ALMS1: variants seen among roughly 807,000 people sequenced by gnomAD.
ALMS1 encodes centrosome-associated protein ALMS1.
Under a neutral mutation model 352.2 loss-of-function variants are expected in ALMS1, and 271 were observed. The observed-to-expected ratio is 0.77, with a 90% CI of 0.70 to 0.85. The LOEUF is 0.85. ALMS1 is among the 40% of genes least tolerant of loss of function. The probability of loss-of-function intolerance (pLI) is 0.00; values close to 1 mark genes in which losing one functional copy is unlikely to be tolerated. For synonymous variants in ALMS1, 1,865 were observed against 1,761.2 expected, an observed-to-expected ratio of 1.06 and a Z score of -1.48; for missense variants, 5,445 against 4,870.7, an observed-to-expected ratio of 1.12 and a Z score of -3.51.
intron 9 of ALMS1, among the ~76,000 whole-genome samples, chr2:73,459,711 C>G (rs1010672904): frequency 3.3e-5 from 5 of 152,168 alleles, no homozygotes; most frequent in African/African-American, 7.2e-5. Context: ...ATTTCATGAG[C>G]ATTCACCCAC....
chr2:73,455,289 G>C lies in ALMS1; in HGVS notation c.7668G>C (p.Leu2556Phe), dbSNP rs769369547. Reference sequence around the variant, plus strand: ...TTGGTCATGGAAGAACAACTGACTTGTCCAAGGTATAAAAGAAATCTGGAA... The same window carrying C: ...TTGGTCATGGAAGAACAACTGACTTCTCCAAGGTATAAAAGAAATCTGGAA... ...ELFGHGRTTD[L>F]SKGLQSPRGM... is the part of the protein sequence containing the mutation. Residue 2556 changes from leucine to phenylalanine, a missense_variant, in exon 9 of 23, where the codon TTG becomes TTC. Transcript: ENST00000613296. The C allele has an allele frequency of 6.2e-7, 1 of 1,614,018 alleles. No individual in the cohort carries two copies. The highest frequency in any genetic ancestry group is 8.5e-7 in the Non-Finnish European group (1 of 1,179,974).
chr2:73,442,971 A>G (rs1444772013), intron 7 of ALMS1, among the ~76,000 whole-genome samples: 1 of 152,166 alleles, frequency 6.6e-6, no homozygotes, highest in Non-Finnish European at 1.5e-5. Context: ...ATGAGTGTCT[A>G]CTTATTAGCC....
At position 73,573,011 on chromosome 2, in the gene ALMS1, G is replaced by A. The variant is rs760012228; in HGVS notation, c.11134G>A (p.Glu3712Lys). The A allele has an allele frequency of 4.3e-6, 7 of 1,614,032 alleles. No individual in the cohort carries two copies. Among genetic ancestry groups the A allele is most frequent in the South Asian group, 2.2e-5 (2 of 91,066 alleles). ...RAGRSNQIKIEQIKFDKYILS... is the reference protein window; with the variant it reads ...RAGRSNQIKIKQIKFDKYILS... Reference sequence around the variant, plus strand: ...TGGGAGGTCTAATCAAATTAAAATTGAACAGATTAAATTTGATAAATATAT... The same window carrying A: ...TGGGAGGTCTAATCAAATTAAAATTAAACAGATTAAATTTGATAAATATAT... The change falls in exon 16 of 23, where the codon GAA becomes AAA. Residue 3712 changes from glutamate (E) to lysine (K), a missense_variant. Coordinates refer to ENST00000613296, the MANE Select transcript of ALMS1 (RefSeq NM_001378454.1).
At chr2:73,419,371 C>A in intron 3 of ALMS1, 53 bp downstream of exon 3, 1 of 1,554,058 alleles carries the variant, frequency 6.4e-7, no homozygotes, top group Non-Finnish European at 8.9e-7. Context: ...GTAAGTTTTG[C>A]GGGGACTGCA....
At chr2:73,474,542 T>A (rs780393) in intron 9 of ALMS1, among the ~76,000 whole-genome samples, 86,335 of 151,808 alleles carry the variant, frequency 0.57, 25,888 homozygotes, top group East Asian at 0.77. Flanking sequence ...TGGCTGGATC[T>A]TAGCTCACTG....
At chr2:73,486,185 A>G (rs927994490) in intron 9 of ALMS1, among the ~76,000 whole-genome samples, 2 of 151,592 alleles carry the variant, frequency 1.3e-5, no homozygotes, top group South Asian at 2.1e-4. Flanking sequence ...TATATGTTAG[A>G]TGTAAGGCTA....
chr2:73,605,066 T>G (rs185278081), intron 21 of ALMS1, among the ~76,000 whole-genome samples: 43 of 152,168 alleles, frequency 2.8e-4, no homozygotes, highest in East Asian at 1.5e-3. Context: ...AGCTGCCTTT[T>G]TCATGGAACA....
intron 16 of ALMS1, among the ~76,000 whole-genome samples, chr2:73,580,884 C>T (rs147726062): frequency 7.8e-4 from 118 of 151,986 alleles, no homozygotes; most frequent in African/African-American, 2.4e-3. Context: ...TGCCTGGGGC[C>T]GAAAAAAGCA....
chr2:73,489,836 A>G lies in ALMS1; in HGVS notation c.7877A>G (p.His2626Arg), dbSNP rs766346469. Residue 2626 changes from histidine (H) to arginine (R), a missense_variant, in exon 10 of 23, where the codon CAT (histidine) becomes CGT (arginine). Physicochemically the swap from His to Arg is conservative, Grantham distance 29 (BLOSUM62 0). Coordinates refer to ENST00000613296, the MANE Select transcript of ALMS1 (RefSeq NM_001378454.1). Reference sequence around the variant, plus strand: ...AACCCATCATCATGCAGAGCCAAGCATGTCAACCTTTCTGCATCCTTAGAC... The same window carrying G: ...AACCCATCATCATGCAGAGCCAAGCGTGTCAACCTTTCTGCATCCTTAGAC... The part of the protein sequence containing the change: ...RQNPSSCRAK[H>R]VNLSASLDQN... 6.2e-7 allele frequency: 1 copy of G among 1,614,202 alleles called. No homozygotes were observed. The highest frequency in any genetic ancestry group is 2.2e-5 in the East Asian group (1 of 44,878).
chr2:73,535,004 G>T (rs1461872814), intron 12 of ALMS1, 55 bp downstream of exon 12: 10 of 1,605,940 alleles, frequency 6.2e-6, no homozygotes, highest in African/African-American at 1.3e-5. Flanking sequence ...TTTGTGTATT[G>T]GCTAGTTGAT....
chr2:73,608,301 GCCC>G (rs2104215451), intron 21 of ALMS1, among the ~76,000 whole-genome samples, 171 bp from the exon 22 acceptor site: 1 of 152,254 alleles, frequency 6.6e-6, no homozygotes, highest in East Asian at 1.9e-4. Context: ...CAGATTGTGA[GCCC>G]CGGGCTAGGG....
At chr2:73,540,896 G>A (rs1674162314) in intron 12 of ALMS1, among the ~76,000 whole-genome samples, 1 of 152,188 alleles carries the variant, frequency 6.6e-6, no homozygotes, top group Non-Finnish European at 1.5e-5. Context: ...GACCTACAAA[G>A]AGACTTAGAC....
At chr2:73,480,218 C>T (rs1388594055) in intron 9 of ALMS1, among the ~76,000 whole-genome samples, 6 of 152,080 alleles carry the variant, frequency 3.9e-5, no homozygotes, top group South Asian at 2.1e-4. Flanking sequence ...TAATGCTATC[C>T]GTCCCCACTC....
Position 73,489,490 on chromosome 2 carries a change from C to G in ALMS1, c.7675-144C>G, listed in dbSNP as rs2056750. The G allele has an allele frequency of 0.055, 51,375 of 932,122 alleles. 1,618 individuals are homozygous for G. The highest frequency in any genetic ancestry group is 0.07 in the African/African-American group (4,201 of 60,338). 57.7% of individuals were successfully genotyped at this position (932,122 alleles called of 1,614,324 possible). A position where few individuals can be genotyped will look rare whatever the true frequency, so the allele number is the denominator to read the frequency against. ...AACTGTCTTTTTTGCTTGCTGTGCT[C>G]TTTGTCCTGTTATATTATAAAAGAA... On this transcript the variant is annotated intron_variant, in intron 9 of 22. Transcript: ENST00000613296.
intron 12 of ALMS1, among the ~76,000 whole-genome samples, chr2:73,544,161 A>T (rs2104018773): frequency 6.6e-6 from 1 of 152,354 alleles, no homozygotes; most frequent in East Asian, 1.9e-4. Context: ...TGTGGCACAT[A>T]TACACCATGG....
At chr2:73,430,663 C>A (rs1200106538) in intron 6 of ALMS1, among the ~76,000 whole-genome samples, 1 of 152,082 alleles carries the variant, frequency 6.6e-6, no homozygotes, top group East Asian at 1.9e-4. Context: ...TACACAAATG[C>A]CACTGTGTTA....
At chr2:73,593,913 C>T (rs141483857) in intron 16 of ALMS1, among the ~76,000 whole-genome samples, 1 of 152,354 alleles carries the variant, frequency 6.6e-6, no homozygotes, top group Non-Finnish European at 1.5e-5. Context: ...AGCATGTGCT[C>T]ATTCCTTTTA....
intron 1 of ALMS1, among the ~76,000 whole-genome samples, chr2:73,395,075 TA>T (rs1287803633): frequency 0.074 from 7,024 of 95,332 alleles, 688 homozygotes; most frequent in African/African-American, 0.15. Flanking sequence ...TATATATATA[TA>T]TATTTTTTTT....
intron 11 of ALMS1, among the ~76,000 whole-genome samples, chr2:73,532,479 A>G (rs1053253423): frequency 1.3e-5 from 2 of 152,160 alleles, no homozygotes; most frequent in Admixed American, 1.3e-4. Context: ...TCTTTTCCAC[A>G]AACAGAGGAG....
Sources: gnomAD v4.1 joint callset for allele counts (sites outside exome capture counted in the v4.1 genomes callset) on GRCh38, gnomAD v4.1.1 for gene constraint, MANE v1.5 for transcripts, NCBI Gene and HGNC (gene_info 2026-07-23, HGNC 2026-07-21) for gene names.